The following INPP1 variants were observed in gnomAD, a reference collection of about 807,000 sequenced individuals.
The protein encoded by INPP1 is inositol polyphosphate-1-phosphatase.
In INPP1, 18 loss-of-function variants were observed where a neutral mutation model predicts 23.0. The observed-to-expected ratio is 0.78, with a 90% CI of 0.54 to 1.16. The LOEUF (loss-of-function observed/expected upper bound fraction) is 1.16. Ranked by LOEUF, INPP1 falls within the 50% of genes most tolerant of loss-of-function variation. The probability of loss-of-function intolerance (pLI) is 0.00; values close to 1 mark genes in which losing one functional copy is unlikely to be tolerated. For missense variants in INPP1, 448 were observed against 482.1 expected, an observed-to-expected ratio of 0.93 and a Z score of 0.66; for synonymous variants, 164 against 176.3, an observed-to-expected ratio of 0.93 and a Z score of 0.55.
intron 2 of INPP1, chr2:190,359,558 A>G (rs936968044): frequency 9.1e-6 from 1 of 110,214 alleles, no homozygotes; most frequent in Non-Finnish European, 1.7e-5. Context: ...CTCCGTCTCA[A>G]AAAAAAAAAA....
In INPP1 at chr2:190,363,636, T is replaced by G. The variant is rs1269013545; in HGVS notation, c.265+949T>G. Among the ~76,000 whole-genome samples, 1 of 152,108 alleles carries G rather than the reference T, an allele frequency of 6.6e-6. No homozygotes were observed. The highest frequency in any genetic ancestry group is 1.5e-5 in the Non-Finnish European group (1 of 68,036). On this transcript the variant is annotated intron_variant, in intron 4 of 6. Transcript: ENST00000392329. The surrounding 1 kb of genome is among the most constrained non-coding windows in gnomAD (Gnocchi z 4.4). Reference sequence around the variant, plus strand: ...GAGTTTCTAGATTAACTCTGAAAATTTTTTAGTCTCCTTCATGCACCACAT... The same window carrying G: ...GAGTTTCTAGATTAACTCTGAAAATGTTTTAGTCTCCTTCATGCACCACAT...
At position 190,348,992 on chromosome 2, in the gene INPP1, C is replaced by T. The variant is rs1013754295; in HGVS notation, c.-104C>T. 5 of 152,308 alleles carry T rather than the reference C, an allele frequency of 3.3e-5. No homozygotes were observed. The East Asian group carries it at 9.6e-4, about 29-fold the overall frequency. The allele number at this position is 152,308 out of a possible 1,614,324, so 9.4% of individuals were successfully genotyped here. A position where few individuals can be genotyped will look rare whatever the true frequency, so the allele number is the denominator to read the frequency against. On this transcript the variant is annotated 5_prime_UTR_variant, in exon 2 of 7. Coordinates refer to ENST00000392329, the MANE Select transcript of INPP1 (RefSeq NM_001128928.2). ...CCCAAGCAAGGCTCTTTCTACCGCA[C>T]ACCCTGCAGGCCCATCCAGGCCCAT...
rs149427106 is a variant in INPP1, at chr2:190,370,764, G to A, written c.642-80G>A. 7.7e-4 allele frequency: 706 copies of A among 922,624 alleles called. 3 individuals carry two copies. The African/African-American group carries it at 9.3e-3, about 12-fold the overall frequency. The allele number at this position is 922,624 out of a possible 1,614,324, so 57.2% of individuals were successfully genotyped here. A position where few individuals can be genotyped will look rare whatever the true frequency, so the allele number is the denominator to read the frequency against. ...GTTATGATGAATTGTGTATTTCTTCGTATCATTAAGTTTGAAAGTGACATG... is the reference window on the plus strand; with the variant it reads ...GTTATGATGAATTGTGTATTTCTTCATATCATTAAGTTTGAAAGTGACATG... On this transcript the variant is annotated intron_variant, in intron 6 of 6. Coordinates refer to ENST00000392329, the MANE Select transcript of INPP1 (RefSeq NM_001128928.2).
intron 1 of INPP1, among the ~76,000 whole-genome samples, chr2:190,348,092 C>T (rs530400892): frequency 1.2e-3 from 182 of 152,264 alleles, no homozygotes; most frequent in African/African-American, 4.3e-3. Context: ...GAGTCAAGAT[C>T]GTGCCACTGC....
Position 190,360,022 on chromosome 2 carries a change from T to A in INPP1, c.-64-17T>A. ...TCTCTGAACTGCTTTCTCTTTCACATTCTTGTATTTTTCCAGCTGACGGCC... is the reference window on the plus strand; with the variant it reads ...TCTCTGAACTGCTTTCTCTTTCACAATCTTGTATTTTTCCAGCTGACGGCC... On this transcript the variant is annotated splice_polypyrimidine_tract_variant and intron_variant, in intron 2 of 6. Transcript: ENST00000392329. The A allele has an allele frequency of 7.1e-7, 1 of 1,406,490 alleles. No individual in the cohort carries two copies. The allele number at this position is 1,406,490 out of a possible 1,614,324, so 87.1% of individuals were successfully genotyped here.
In INPP1 at chr2:190,370,936, C is replaced by T; in HGVS notation, c.734C>T (p.Thr245Ile). The change falls in exon 7 of 7, where the codon ACA becomes ATA. Residue 245 changes from threonine (T) to isoleucine (I), a missense_variant. Coordinates refer to ENST00000392329, the MANE Select transcript of INPP1 (RefSeq NM_001128928.2). ...ATCTCTAGAAGAAACGGCAGTGAAA[C>T]ACACACTGGAAACACCGGCTCTGAG... ...LTISRRNGSE[T>I]HTGNTGSEAA... 6.2e-7 allele frequency: 1 copy of T among 1,614,120 alleles called. No homozygotes were observed. Among genetic ancestry groups the T allele is most frequent in the Non-Finnish European group, 8.5e-7 (1 of 1,180,028 alleles).
chr2:190,364,170 G>A (rs1689589833), intron 4 of INPP1, among the ~76,000 whole-genome samples: 1 of 152,162 alleles, frequency 6.6e-6, no homozygotes, highest in African/African-American at 2.4e-5. Context: ...TGCTGATTCA[G>A]TCATCACTGT....
intron 1 of INPP1, among the ~76,000 whole-genome samples, chr2:190,347,537 G>T (rs932924954): frequency 1.3e-5 from 2 of 151,450 alleles, no homozygotes; most frequent in Non-Finnish European, 2.9e-5. Context: ...TCCTTTTTTG[G>T]GGGGGGATGG....
At chr2:190,364,812 C>G (rs1269364513) in intron 4 of INPP1, among the ~76,000 whole-genome samples, 1 of 151,596 alleles carries the variant, frequency 6.6e-6, no homozygotes, top group East Asian at 2.0e-4. Context: ...CTATGTTGAC[C>G]AGGGTGGTCT....
At position 190,371,383 on chromosome 2, in the gene INPP1, C is replaced by T; in HGVS notation, c.1181C>T (p.Pro394Leu). Residue 394 changes from proline to leucine, a missense_variant, in exon 7 of 7, where the codon CCT (proline) becomes CTT (leucine). By Grantham distance (98) the Pro-to-Leu change is moderately conservative. Transcript: ENST00000392329. The surrounding 1 kb of genome is among the most constrained non-coding windows in gnomAD (Gnocchi z 5.3). ...FLSLLVQNLAPAETHT is the reference protein window; with the variant it reads ...FLSLLVQNLALAETHT ...AGCCTCCTGGTCCAAAACCTGGCAC[C>T]TGCAGAGACGCATACCTAGAGGAAC... 1 of 1,527,102 alleles carries T rather than the reference C, an allele frequency of 6.5e-7. No individual in the cohort carries two copies. The highest frequency in any genetic ancestry group is 8.8e-7 in the Non-Finnish European group (1 of 1,139,182). 94.6% of individuals were successfully genotyped at this position (1,527,102 alleles called of 1,614,324 possible).
chr2:190,350,973 CTT>C (rs1413825874), intron 2 of INPP1, among the ~76,000 whole-genome samples: 1 of 152,180 alleles, frequency 6.6e-6, no homozygotes, highest in African/African-American at 2.4e-5. Context: ...TATATGTAGA[CTT>C]TTATACAAAT....
chr2:190,346,520 G>C lies in INPP1; in HGVS notation c.-208-2368G>C, dbSNP rs1422371476. Among the ~76,000 whole-genome samples, 1 of 152,150 alleles carries C rather than the reference G, an allele frequency of 6.6e-6. No homozygotes were observed. Among genetic ancestry groups the C allele is most frequent in the East Asian group, 1.9e-4 (1 of 5,202 alleles). On this transcript the variant is annotated intron_variant, in intron 1 of 6. Transcript: ENST00000392329. The surrounding 1 kb of genome is among the most constrained non-coding windows in gnomAD (Gnocchi z 5.1). ...AATGTTAATTCAATTTCTTGAATGT[G>C]ATAAGAGCATTTTATTAATGGATGA...
In INPP1 at chr2:190,371,393, G is replaced by A. The variant is rs901032935; in HGVS notation, c.1191G>A (p.Thr397=). The A allele has an allele frequency of 8.6e-6, 13 of 1,520,314 alleles. No homozygotes were observed. The highest frequency in any genetic ancestry group is 1.1e-5 in the Non-Finnish European group (12 of 1,136,430). 94.2% of individuals were successfully genotyped at this position (1,520,314 alleles called of 1,614,324 possible). A position where few individuals can be genotyped will look rare whatever the true frequency, so the allele number is the denominator to read the frequency against. ...TCCAAAACCTGGCACCTGCAGAGAC[G>A]CATACCTAGAGGAACTCTAACCCCG... ...LLVQNLAPAE[T]HT is the part of the protein sequence containing the mutation. Residue 397 remains threonine (T), a synonymous_variant, in exon 7 of 7, where the codon ACG becomes ACA. Transcript: ENST00000392329. This position sits in a 1 kb window ranked among gnomAD's most constrained non-coding sequence, Gnocchi z 5.3.
intron 4 of INPP1, chr2:190,365,052 G>A (rs989298314): frequency 6.0e-6 from 1 of 167,992 alleles, no homozygotes; most frequent in Non-Finnish European, 1.5e-5. Flanking sequence ...TAGTTTTTAA[G>A]ATTTTTTTTC....
In INPP1 at chr2:190,356,628, C is replaced by T. The variant is rs1438853937; in HGVS notation, c.-64-3411C>T. 6.6e-6 allele frequency: 1 copy of T among 152,128 alleles called. No individual in the cohort carries two copies. The highest frequency in any genetic ancestry group is 1.5e-5 in the Non-Finnish European group (1 of 68,016). The allele number at this position is 152,128 out of a possible 1,614,324, so 9.4% of individuals were successfully genotyped here. On this transcript the variant is annotated intron_variant, in intron 2 of 6. Transcript: ENST00000392329. The surrounding 1 kb of genome is among the most constrained non-coding windows in gnomAD (Gnocchi z 6.4). ...GAGCTTGTAGCCAGGGTGATTAGCT[C>T]GCCTGAGTGTTATTAGGGTGTTATA...
At chr2:190,347,503 T>C (rs1689241451) in intron 1 of INPP1, among the ~76,000 whole-genome samples, 1 of 152,158 alleles carries the variant, frequency 6.6e-6, no homozygotes, top group Admixed American at 6.5e-5. Context: ...TTTTCCTTCT[T>C]CCTCTTTACA....
In INPP1 at chr2:190,345,951, G is replaced by A. The variant is rs1450342817; in HGVS notation, c.-209+1990G>A. ...AGAGGTTGCAGTGAGCCCAGATCGC[G>A]CCACTGCACTCCAGCCTGGGCGACA... On this transcript the variant is annotated intron_variant, in intron 1 of 6. Coordinates refer to ENST00000392329, the MANE Select transcript of INPP1 (RefSeq NM_001128928.2). The surrounding 1 kb of genome is among the most constrained non-coding windows in gnomAD (Gnocchi z 4.9). 3.3e-5 allele frequency among the ~76,000 whole-genome samples: 5 copies of A among 152,146 alleles called. No individual in the cohort carries two copies. Among genetic ancestry groups the A allele is most frequent in the Admixed American group, 1.3e-4 (2 of 15,272 alleles).
chr2:190,359,401 C>CA (rs1232009867), intron 2 of INPP1, among the ~76,000 whole-genome samples: 2 of 151,538 alleles, frequency 1.3e-5, no homozygotes, highest in Admixed American at 6.6e-5. Flanking sequence ...ACTAAAAATA[C>CA]AAAAAATTAG....
In INPP1 at chr2:190,345,846, T is replaced by A. The variant is rs1004874248; in HGVS notation, c.-209+1885T>A. Among the ~76,000 whole-genome samples the A allele has an allele frequency of 2.6e-5, 4 of 151,952 alleles. No individual in the cohort carries two copies. Among genetic ancestry groups the A allele is most frequent in the Non-Finnish European group, 4.4e-5 (3 of 67,962 alleles). ...CCGTCTCTAGTAAAAATACAAAAAT[T>A]AGCCAGGCGTGGTAGCAAGCACCTG... On this transcript the variant is annotated intron_variant, in intron 1 of 6. Transcript: ENST00000392329. The surrounding 1 kb of genome is among the most constrained non-coding windows in gnomAD (Gnocchi z 4.9).
Sources: gnomAD v4.1 joint callset for allele counts (sites outside exome capture counted in the v4.1 genomes callset) on GRCh38, gnomAD v4.1.1 for gene constraint, Gnocchi (gnomAD v3.1) non-coding constraint, MANE v1.5 for transcripts, NCBI Gene and HGNC (gene_info 2026-07-23, HGNC 2026-07-21) for gene names.